Variants in TLR6 observed in about 807,000 individuals in gnomAD.
The protein encoded by TLR6 is toll like receptor 6, also known as toll-like receptor 6.
In TLR6, 9 loss-of-function variants were observed where a neutral mutation model predicts 16.1. That is an observed-to-expected ratio of 0.56 (90% CI 0.34 to 0.98). TLR6 has a LOEUF of 0.98. Ranked by LOEUF, TLR6 falls within the 50% of genes least tolerant of loss-of-function variation. The probability of loss-of-function intolerance (pLI) is 0.02; values close to 1 mark genes in which losing one functional copy is unlikely to be tolerated. For synonymous variants in TLR6, 340 were observed against 338.6 expected (o/e 1.00, Z -0.04); for missense variants, 786 against 921.0 (o/e 0.85, Z 1.90).
At chr4:38,863,042 TCTC>T in the TLR6 span, among the ~76,000 whole-genome samples, 3,592 of 151,608 alleles carry the variant, frequency 0.024, 142 homozygotes, top group African/African-American at 0.079. Flanking sequence ...CTCTAATTGT[TCTC>T]CTCTCATTCT....
chr4:38,825,561 G>A (rs899280172), exon 2 of TLR6: 1 of 152,136 alleles, frequency 6.6e-6, no homozygotes, highest in Non-Finnish European at 1.5e-5. Context: ...TTTTTCATAG[G>A]GCACATCTGT....
At chr4:38,854,942 GCTCA>G (rs892495837) in intron 1 of TLR6, among the ~76,000 whole-genome samples, 3 of 152,190 alleles carry the variant, frequency 2.0e-5, no homozygotes, top group African/African-American at 7.2e-5. Flanking sequence ...GGGCGCAGTG[GCTCA>G]CGCCTCTCAT....
chr4:38,835,589 T>C (rs1199611845), intron 1 of TLR6, among the ~76,000 whole-genome samples: 4 of 152,248 alleles, frequency 2.6e-5, no homozygotes, highest in Admixed American at 1.3e-4. Flanking sequence ...CAAAGAAACA[T>C]TGGATTTAAA....
At chr4:38,864,865 T>G in the TLR6 span, among the ~76,000 whole-genome samples, 5 of 151,912 alleles carry the variant, frequency 3.3e-5, no homozygotes, top group Admixed American at 2.6e-4. Context: ...ATTTAAAAAT[T>G]TGCTGGGTGC....
chr4:38,867,655 C>T, the TLR6 span: 1 of 151,688 alleles, frequency 6.6e-6, no homozygotes, highest in Non-Finnish European at 1.5e-5. Flanking sequence ...CAGCGCGGGC[C>T]CGGCCCTCGC....
intron 1 of TLR6, among the ~76,000 whole-genome samples, chr4:38,837,748 GACT>G (rs950556710): frequency 9.2e-5 from 14 of 152,080 alleles, no homozygotes; most frequent in African/African-American, 3.4e-4. Context: ...AGACAAATGG[GACT>G]ACATTAAACT....
chr4:38,844,466 T>G (rs1712429861), intron 1 of TLR6, among the ~76,000 whole-genome samples: 1 of 152,164 alleles, frequency 6.6e-6, no homozygotes, highest in Admixed American at 6.5e-5. Context: ...ATGGAGACAT[T>G]GTGAGTAAAA....
chr4:38,834,104 G>A (rs11096959), intron 1 of TLR6, among the ~76,000 whole-genome samples: 22,933 of 150,954 alleles, frequency 0.15, 3,465 homozygotes, highest in African/African-American at 0.37. Flanking sequence ...TGGGCGTGGT[G>A]GCAGGCACCT....
chr4:38,829,041 A>G (rs1254187884), exon 2 of TLR6: 3 of 1,614,206 alleles, frequency 1.9e-6, no homozygotes, highest in Non-Finnish European at 2.5e-6. Flanking sequence ...AGTTGTGATA[A>G]GTTGCCAAAT....
intron 1 of TLR6, among the ~76,000 whole-genome samples, chr4:38,837,794 C>T (rs1410453683): frequency 6.6e-6 from 1 of 152,128 alleles, no homozygotes; most frequent in Non-Finnish European, 1.5e-5. Context: ...AAACAATCAA[C>T]AGGGTGAATA....
intron 1 of TLR6, among the ~76,000 whole-genome samples, chr4:38,837,315 A>G (rs890935722): frequency 3.3e-5 from 5 of 152,218 alleles, no homozygotes; most frequent in Non-Finnish European, 5.9e-5. Flanking sequence ...TGAAGGGATC[A>G]CACTACTTGA....
At chr4:38,857,555 C>T (rs1395622301), upstream of TLR6, among the ~76,000 whole-genome samples, 10 of 152,030 alleles carry the variant, frequency 6.6e-5, no homozygotes, top group East Asian at 1.9e-3. Context: ...ACCCTTTTCC[C>T]CAGACTTCTT....
At chr4:38,833,566 C>T (rs1429823659) in intron 1 of TLR6, among the ~76,000 whole-genome samples, 1 of 152,188 alleles carries the variant, frequency 6.6e-6, no homozygotes, top group Non-Finnish European at 1.5e-5. Flanking sequence ...CTATCAAAGC[C>T]AATCCATAAA....
At chr4:38,823,605 G>A (rs1727408110), downstream of TLR6, 1 of 152,238 alleles carries the variant, frequency 6.6e-6, no homozygotes, top group African/African-American at 2.4e-5. Flanking sequence ...TTGGACGGGG[G>A]AATGAGAAGG....
chr4:38,833,567 A>C (rs1201233147), intron 1 of TLR6, among the ~76,000 whole-genome samples: 1 of 152,226 alleles, frequency 6.6e-6, no homozygotes, highest in Non-Finnish European at 1.5e-5. Context: ...TATCAAAGCC[A>C]ATCCATAAAA....
the TLR6 span, among the ~76,000 whole-genome samples, chr4:38,865,736 G>T: frequency 2.0e-5 from 3 of 152,220 alleles, no homozygotes; most frequent in African/African-American, 7.2e-5. Context: ...GAAGCCACGT[G>T]TTAGTTAAGG....
the TLR6 span, among the ~76,000 whole-genome samples, chr4:38,866,742 CA>C: frequency 6.6e-6 from 1 of 151,716 alleles, no homozygotes; most frequent in African/African-American, 2.4e-5. Context: ...AAAAAGCAAA[CA>C]AAAAGCTGTT....
chr4:38,839,066 TAGAAAGAG>T (rs1384238911), intron 1 of TLR6, among the ~76,000 whole-genome samples: 12 of 104,270 alleles, frequency 1.2e-4, no homozygotes, highest in East Asian at 6.1e-4. Flanking sequence ...GAGAAAGAAA[TAGAAAGAG>T]AGAAAGAGGA....
At chr4:38,823,286 A>G (rs868385266), downstream of TLR6, among the ~76,000 whole-genome samples, 5 of 152,264 alleles carry the variant, frequency 3.3e-5, no homozygotes, top group African/African-American at 4.8e-5. Flanking sequence ...ATACACAAAT[A>G]CTAAGCATTG....
Sources: gnomAD v4.1 joint callset for allele counts (sites outside exome capture counted in the v4.1 genomes callset) on GRCh38, gnomAD v4.1.1 for gene constraint, MANE v1.5 for transcripts, NCBI Gene and HGNC (gene_info 2026-07-23, HGNC 2026-07-21) for gene names.